Variants in TRHDE observed in about 807,000 individuals in gnomAD.
The protein encoded by TRHDE is thyrotropin-releasing hormone-degrading ectoenzyme.
In TRHDE, 72 loss-of-function variants were observed where a neutral mutation model predicts 125.7. The ratio of observed to expected loss-of-function variants is 0.57; its 90% CI spans 0.47 to 0.70. TRHDE has a LOEUF of 0.70. Among genes scored for constraint, TRHDE ranks in the 30% least tolerant of loss-of-function variants. TRHDE has a pLI of 0.00. For missense variants in TRHDE, 1,110 were observed against 1,327.1 expected, an observed-to-expected ratio of 0.84 and a Z score of 2.54; for synonymous variants, 509 against 509.1, an observed-to-expected ratio of 1.00 and a Z score of 0.00.
intron 2 of TRHDE, among the ~76,000 whole-genome samples, chr12:72,345,734 G>A (rs1870299215): frequency 6.6e-6 from 1 of 151,928 alleles, no homozygotes; most frequent in South Asian, 2.1e-4. Context: ...CTCCCGGTGG[G>A]CATACCCCTT....
chr12:72,109,067 G>T (rs768606312), intron 2 of TRHDE, among the ~76,000 whole-genome samples: 2 of 151,992 alleles, frequency 1.3e-5, no homozygotes, highest in Non-Finnish European at 2.9e-5. Flanking sequence ...AAAATTAGAT[G>T]AATCACTCCA....
chr12:72,422,412 T>G (rs963427301), intron 3 of TRHDE, among the ~76,000 whole-genome samples: 3 of 152,222 alleles, frequency 2.0e-5, no homozygotes, highest in Non-Finnish European at 4.4e-5. Flanking sequence ...GTTTATGCAG[T>G]GTCAAGTGAC....
intron 2 of TRHDE, among the ~76,000 whole-genome samples, chr12:72,221,731 G>A (rs1878003992): frequency 6.6e-6 from 1 of 152,034 alleles, no homozygotes; most frequent in Middle Eastern, 3.4e-3. Flanking sequence ...CAATATTTGG[G>A]GAAAAAAACC....
intron 2 of TRHDE, among the ~76,000 whole-genome samples, chr12:72,369,273 AC>A (rs1455503188): frequency 1.4e-4 from 21 of 152,116 alleles, no homozygotes; most frequent in African/African-American, 5.1e-4. Context: ...ATGATGTATT[AC>A]CACCAGGGTG....
intron 2 of TRHDE, among the ~76,000 whole-genome samples, chr12:72,245,766 C>T (rs1239392661): frequency 3.3e-5 from 5 of 151,572 alleles, no homozygotes; most frequent in African/African-American, 4.9e-5. Flanking sequence ...TATATATATA[C>T]ACACACATAT....
At chr12:72,621,781 T>C (rs1296237465) in intron 15 of TRHDE, 30 bp downstream of exon 15, 12 of 1,489,984 alleles carry the variant, frequency 8.1e-6, no homozygotes, top group Non-Finnish European at 1.1e-5. Flanking sequence ...GTATTTCTGA[T>C]ATTATTTAAT....
At chr12:72,266,359 C>T (rs1176883893) in intron 2 of TRHDE, among the ~76,000 whole-genome samples, 1 of 151,766 alleles carries the variant, frequency 6.6e-6, no homozygotes, top group African/African-American at 2.4e-5. Flanking sequence ...TTTTTGGATG[C>T]ATTGAAGAGG....
chr12:72,382,262 G>A (rs1328867721), intron 3 of TRHDE, among the ~76,000 whole-genome samples: 2 of 152,160 alleles, frequency 1.3e-5, no homozygotes, highest in African/African-American at 2.4e-5. Context: ...GAAGGTCACC[G>A]GTGACCTTGA....
chr12:72,128,086 G>A (rs537296775), intron 2 of TRHDE, among the ~76,000 whole-genome samples: 1 of 152,122 alleles, frequency 6.6e-6, no homozygotes, highest in Non-Finnish European at 1.5e-5. Flanking sequence ...CAGAGCATAT[G>A]TATGAAGGAA....
At chr12:72,661,412 A>G (rs1874911791) in intron 18 of TRHDE, among the ~76,000 whole-genome samples, 1 of 152,172 alleles carries the variant, frequency 6.6e-6, no homozygotes, top group African/African-American at 2.4e-5. Flanking sequence ...AATTCAGAAT[A>G]TACTTTAAAA....
intron 3 of TRHDE, among the ~76,000 whole-genome samples, chr12:72,393,519 A>G (rs1308969408): frequency 1.3e-5 from 2 of 152,166 alleles, no homozygotes; most frequent in Non-Finnish European, 2.9e-5. Context: ...AACACATAAC[A>G]CGTTTCAGAA....
intron 2 of TRHDE, among the ~76,000 whole-genome samples, chr12:72,245,315 GTAGA>G (rs143521693): frequency 0.05 from 7,519 of 151,424 alleles, 643 homozygotes; most frequent in African/African-American, 0.17. Context: ...AGGTGGATAG[GTAGA>G]TAGATATAGA....
rs948168699 is a variant in TRHDE, at chr12:72,156,110, C to T, written n.279+50358C>T. On this transcript the variant is annotated intron_variant and non_coding_transcript_variant, in intron 2 of 4. Coordinates refer to the TRHDE transcript ENST00000548156. The stretch of plus-strand genomic sequence containing the variant: ...TCGGCAGTGGCGGGCGCCCCTCCCC[C>T]AGCCTTGCTGCCACCTTCCAGTTTG... 1.0e-3 allele frequency among the ~76,000 whole-genome samples: 154 copies of T among 152,208 alleles called. 1 individual carries two copies. Among genetic ancestry groups the T allele is most frequent in the African/African-American group, 3.5e-3 (147 of 41,452 alleles).
At chr12:72,304,970 G>A (rs1392880583) in intron 2 of TRHDE, among the ~76,000 whole-genome samples, 2 of 152,096 alleles carry the variant, frequency 1.3e-5, no homozygotes, top group Admixed American at 1.3e-4. Flanking sequence ...CCACGTGTCT[G>A]TCATCTTATC....
At chr12:72,397,157 C>A (rs900908345) in intron 3 of TRHDE, among the ~76,000 whole-genome samples, 4 of 152,218 alleles carry the variant, frequency 2.6e-5, no homozygotes, top group African/African-American at 9.6e-5. Context: ...ATGCATCAGG[C>A]TGCTCTTGTA....
rs570875685 is a variant in TRHDE, at chr12:72,263,960, CACTT to C, written n.280-114032_280-114029del. On this transcript the variant is annotated intron_variant and non_coding_transcript_variant, in intron 2 of 4. Coordinates refer to the TRHDE transcript ENST00000548156. The stretch of plus-strand genomic sequence containing the variant: ...AGGGCAGGAGGAGTTCAGATACAAA[CACTT>C]ACACATTCAAAGTGACCAGATTACA... 8.5e-5 allele frequency: 13 copies of C among 152,072 alleles called. No homozygotes were observed. In the East Asian group the frequency reaches 2.1e-3, roughly 25 times the overall value. The allele number at this position is 152,072 out of a possible 1,614,324, so 9.4% of individuals were successfully genotyped here. A position where few individuals can be genotyped will look rare whatever the true frequency, so the allele number is the denominator to read the frequency against.
Position 72,273,543 on chromosome 12 carries a change from C to T in TRHDE, c.900C>T (p.Leu300=). 6.3e-7 allele frequency: 1 copy of T among 1,598,192 alleles called. No homozygotes were observed. Among genetic ancestry groups the T allele is most frequent in the Non-Finnish European group, 8.5e-7 (1 of 1,176,730 alleles). ...LLGFFRSSYV[L]HGERRFLGVT... ...GCTTCTTCCGCAGCTCCTATGTGCT[C>T]CACGGGGAGAGAAGGTATGGAGGGA... Residue 300 remains leucine, a synonymous_variant, in exon 1 of 19, where the codon CTC becomes CTT. Coordinates refer to ENST00000261180, the MANE Select transcript of TRHDE (RefSeq NM_013381.3). The surrounding 1 kb of genome is among the most constrained non-coding windows in gnomAD (Gnocchi z 5.3).
chr12:72,469,333 A>G (rs1876533885), intron 3 of TRHDE, among the ~76,000 whole-genome samples: 1 of 152,250 alleles, frequency 6.6e-6, no homozygotes, highest in African/African-American at 2.4e-5. Context: ...TAAAACAGAT[A>G]TAAAATGTTT....
intron 1 of TRHDE, among the ~76,000 whole-genome samples, chr12:72,285,326 G>A (rs1268303570): frequency 6.6e-6 from 1 of 152,132 alleles, no homozygotes; most frequent in Non-Finnish European, 1.5e-5. Context: ...ATGGAGAGAG[G>A]AGTGGTGGCA....
Sources: allele counts gnomAD v4.1 joint callset (sites outside exome capture counted in the v4.1 genomes callset), GRCh38; gene constraint gnomAD v4.1.1; non-coding constraint Gnocchi (gnomAD v3.1); transcripts MANE v1.5; gene names NCBI Gene and HGNC (gene_info 2026-07-23, HGNC 2026-07-21).